Variants in ZBTB7C observed in about 807,000 individuals in gnomAD.
The protein encoded by ZBTB7C is zinc finger and BTB domain containing 7C.
A neutral mutation model predicts 25.7 loss-of-function variants in ZBTB7C; 8 were observed. The observed-to-expected ratio is 0.31, with a 90% CI of 0.18 to 0.56. ZBTB7C has a LOEUF of 0.56. ZBTB7C is among the 20% of genes least tolerant of loss of function. The pLI, the probability that ZBTB7C is intolerant of heterozygous loss-of-function variation, is 0.91. For synonymous variants in ZBTB7C, 394 were observed against 369.0 expected (o/e 1.07, Z -0.78); for missense variants, 824 against 855.2 (o/e 0.96, Z 0.46).
intron 2 of ZBTB7C, among the ~76,000 whole-genome samples, chr18:48,251,416 T>C (rs184615143): frequency 2.1e-4 from 32 of 152,260 alleles, no homozygotes; most frequent in Admixed American, 5.9e-4. Flanking sequence ...TTTAGGCAGA[T>C]AGTGAGGGTA....
upstream of ZBTB7C, among the ~76,000 whole-genome samples, chr18:48,412,247 A>G (rs957925994): frequency 6.6e-5 from 10 of 152,214 alleles, no homozygotes; most frequent in African/African-American, 2.4e-4. Context: ...CTCTAAATAA[A>G]TTATCTGAGA....
rs949190459 is a variant in ZBTB7C at position 48,212,264 on chromosome 18, A to G, written c.-78-26269T>C. 2.0e-5 allele frequency among the ~76,000 whole-genome samples: 3 copies of G among 152,194 alleles called. No individual in the cohort carries two copies. In the South Asian group the frequency reaches 6.2e-4, roughly 31 times the overall value. The stretch of plus-strand genomic sequence containing the variant: ...GGTTACATACTATATGATCCTAACT[A>G]TATGACACTCTGGAAAAGACAGAAC... On this transcript the variant is annotated intron_variant, in intron 2 of 4. Transcript: ENST00000590800.
chr18:48,356,349 C>T (rs1437264596), intron 1 of ZBTB7C, among the ~76,000 whole-genome samples: 1 of 152,190 alleles, frequency 6.6e-6, no homozygotes, highest in African/African-American at 2.4e-5. Flanking sequence ...CAGCGCTCCT[C>T]CAAAGGGCTC....
chr18:48,050,916 C>T (rs2036660072), intron 3 of ZBTB7C, among the ~76,000 whole-genome samples: 1 of 152,128 alleles, frequency 6.6e-6, no homozygotes, highest in South Asian at 2.1e-4. Flanking sequence ...TTCCTAGGAT[C>T]CCTGTGTACA....
At chr18:48,215,643 T>C (rs897470446) in intron 2 of ZBTB7C, among the ~76,000 whole-genome samples, 3 of 152,196 alleles carry the variant, frequency 2.0e-5, no homozygotes, top group East Asian at 1.9e-4. Flanking sequence ...TCTTGTTATG[T>C]AGATGAAGCC....
intron 3 of ZBTB7C, among the ~76,000 whole-genome samples, chr18:48,144,901 T>C (rs769538670): frequency 6.6e-6 from 1 of 152,274 alleles, no homozygotes; most frequent in Middle Eastern, 3.4e-3. Flanking sequence ...AGTCCCAGGT[T>C]TCTTAGGTTG....
chr18:48,288,493 C>CA (rs35867063), intron 2 of ZBTB7C, among the ~76,000 whole-genome samples: 16,076 of 86,328 alleles, frequency 0.19, 1,096 homozygotes, highest in African/African-American at 0.3. Context: ...ACTAAAAGTA[C>CA]AAAAAAAAAA....
chr18:48,134,175 A>G (rs1215237274), intron 3 of ZBTB7C, among the ~76,000 whole-genome samples: 1 of 151,840 alleles, frequency 6.6e-6, no homozygotes, highest in Non-Finnish European at 1.5e-5. Context: ...TGGGGAAAGA[A>G]AGTCCCAGAG....
chr18:48,375,229 T>A (rs1228687853), intron 1 of ZBTB7C, among the ~76,000 whole-genome samples: 1 of 152,312 alleles, frequency 6.6e-6, no homozygotes, highest in Middle Eastern at 3.4e-3. Context: ...AACCCAGATG[T>A]GGGGGAAACC....
intron 2 of ZBTB7C, among the ~76,000 whole-genome samples, chr18:48,223,961 A>G (rs1398857633): frequency 6.6e-6 from 1 of 152,202 alleles, no homozygotes; most frequent in African/African-American, 2.4e-5. Context: ...GCCCTTTAAA[A>G]GGCCTTATAA....
intron 2 of ZBTB7C, among the ~76,000 whole-genome samples, chr18:48,314,224 T>C (rs768438931): frequency 6.6e-6 from 1 of 152,200 alleles, no homozygotes; most frequent in Non-Finnish European, 1.5e-5. Flanking sequence ...AAACAACAAA[T>C]AACTTTTTAG....
intron 2 of ZBTB7C, among the ~76,000 whole-genome samples, chr18:48,191,729 A>G: frequency 6.6e-6 from 1 of 152,218 alleles, no homozygotes; most frequent in East Asian, 1.9e-4. Context: ...CAGTCCTGAG[A>G]GGCCCGGGGG....
chr18:48,386,785 C>CA lies in ZBTB7C; in HGVS notation c.-304+22440dup, dbSNP rs538679957. On this transcript the variant is annotated intron_variant, in intron 1 of 4. Transcript: ENST00000590800. The stretch of plus-strand genomic sequence containing the variant: ...ATTCTAGCCTTATTGTGCTTCATCT[C>CA]AAAAAAATGTTATCAGACACCACTT... 1.1e-3 allele frequency among the ~76,000 whole-genome samples: 165 copies of CA among 152,214 alleles called. 1 individual carries two copies. Among genetic ancestry groups the CA allele is most frequent in the African/African-American group, 3.9e-3 (161 of 41,540 alleles).
At chr18:48,166,803 G>T (rs1026389989) in intron 3 of ZBTB7C, among the ~76,000 whole-genome samples, 2 of 152,168 alleles carry the variant, frequency 1.3e-5, no homozygotes, top group African/African-American at 2.4e-5. Flanking sequence ...GCTGAAGTGT[G>T]CCTGGAAGCT....
chr18:48,279,531 G>A (rs1038110813), intron 2 of ZBTB7C, among the ~76,000 whole-genome samples: 2 of 152,274 alleles, frequency 1.3e-5, no homozygotes, highest in East Asian at 3.9e-4. Context: ...TGAACACAAA[G>A]GACTGCACGG....
At chr18:48,293,958 G>T (rs373270202) in intron 2 of ZBTB7C, among the ~76,000 whole-genome samples, 4 of 152,198 alleles carry the variant, frequency 2.6e-5, no homozygotes, top group African/African-American at 9.7e-5. Context: ...ACAATGAAAT[G>T]AACAAGCTGG....
At chr18:48,219,553 G>C (rs1243907633) in intron 2 of ZBTB7C, among the ~76,000 whole-genome samples, 1 of 152,188 alleles carries the variant, frequency 6.6e-6, no homozygotes, top group Non-Finnish European at 1.5e-5. Flanking sequence ...AAAGGATTCA[G>C]GCCTAGGCAG....
At chr18:48,095,754 T>C (rs937212998) in intron 3 of ZBTB7C, among the ~76,000 whole-genome samples, 1 of 93,714 alleles carries the variant, frequency 1.1e-5, no homozygotes, top group Admixed American at 1.0e-4. Flanking sequence ...AAAATGGTTA[T>C]TGGGTGAGAG....
intron 2 of ZBTB7C, among the ~76,000 whole-genome samples, chr18:48,309,106 A>C (rs1162861278): frequency 6.6e-6 from 1 of 152,214 alleles, no homozygotes; most frequent in Non-Finnish European, 1.5e-5. Flanking sequence ...AGATGAGGGA[A>C]AGAAAAAGAG....
Sources: gnomAD v4.1 joint callset for allele counts (sites outside exome capture counted in the v4.1 genomes callset) on GRCh38, gnomAD v4.1.1 for gene constraint, MANE v1.5 for transcripts, NCBI Gene and HGNC (gene_info 2026-07-23, HGNC 2026-07-21) for gene names.